LTBP1: variants seen among roughly 807,000 people sequenced by gnomAD.
The protein encoded by LTBP1 is latent-transforming growth factor beta-binding protein 1.
A neutral mutation model predicts 207.6 loss-of-function variants in LTBP1; 129 were observed. The observed-to-expected ratio is 0.62, with a 90% CI of 0.54 to 0.72. LTBP1 has a LOEUF of 0.72. Ranked by LOEUF, LTBP1 falls within the 30% of genes least tolerant of loss-of-function variation. LTBP1 has a pLI of 0.00. For synonymous variants in LTBP1, 963 were observed against 833.7 expected (o/e 1.16, Z -2.67); for missense variants, 2,281 against 2,217.2 (o/e 1.03, Z -0.58).
At chr2:32,970,359 G>C (rs1195096143) in intron 2 of LTBP1, among the ~76,000 whole-genome samples, 1 of 151,472 alleles carries the variant, frequency 6.6e-6, no homozygotes. Flanking sequence ...TTATCTTTCA[G>C]GGTTATCTTC....
At chr2:32,984,985 C>G (rs1016856789) in intron 2 of LTBP1, among the ~76,000 whole-genome samples, 2 of 151,868 alleles carry the variant, frequency 1.3e-5, no homozygotes, top group Non-Finnish European at 2.9e-5. Context: ...CATTTTTTCT[C>G]TAGGGCTTGA....
At chr2:33,323,267 A>C (rs541602647) in intron 24 of LTBP1, among the ~76,000 whole-genome samples, 270 of 152,330 alleles carry the variant, frequency 1.8e-3, no homozygotes, top group South Asian at 3.5e-3. Context: ...TATTGTACTG[A>C]AAGTGAACAG....
chr2:32,965,218 A>T (rs745454572), intron 2 of LTBP1, among the ~76,000 whole-genome samples: 1 of 152,150 alleles, frequency 6.6e-6, no homozygotes, highest in Non-Finnish European at 1.5e-5. Flanking sequence ...TTAGGTTCAG[A>T]GCAAAATTGA....
intron 22 of LTBP1, among the ~76,000 whole-genome samples, chr2:33,305,356 T>C (rs866353072): frequency 5.3e-5 from 8 of 151,858 alleles, no homozygotes; most frequent in Middle Eastern, 3.4e-3. Flanking sequence ...AAGTAAAATA[T>C]ATAGTTCGTT....
At chr2:33,380,564 C>T (rs983916310) in intron 31 of LTBP1, among the ~76,000 whole-genome samples, 7 of 151,746 alleles carry the variant, frequency 4.6e-5, no homozygotes, top group African/African-American at 1.5e-4. Context: ...AGTGAAACTC[C>T]GTCTTTAAAA....
At chr2:33,166,067 GTT>G (rs143905437) in intron 5 of LTBP1, among the ~76,000 whole-genome samples, 2,697 of 140,862 alleles carry the variant, frequency 0.019, 37 homozygotes, top group Middle Eastern at 0.085. Context: ...AGTAATGTAT[GTT>G]TTTTTTTTTT....
intron 18 of LTBP1, among the ~76,000 whole-genome samples, chr2:33,277,760 CCTTT>C (rs370778507): frequency 0.045 from 4,256 of 95,452 alleles, 213 homozygotes; most frequent in East Asian, 0.067. Flanking sequence ...TTTTTTTTTC[CCTTT>C]CTTTCTTTCT....
intron 3 of LTBP1, among the ~76,000 whole-genome samples, chr2:33,063,474 A>G (rs1476261055): frequency 2.0e-5 from 3 of 152,214 alleles, no homozygotes; most frequent in Non-Finnish European, 4.4e-5. Context: ...AAAACAATGC[A>G]AAGCTTAATA....
intron 25 of LTBP1, among the ~76,000 whole-genome samples, chr2:33,345,965 A>T (rs2094696041): frequency 6.6e-6 from 1 of 152,242 alleles, no homozygotes; most frequent in South Asian, 2.1e-4. Flanking sequence ...GGACAACATC[A>T]AACATAAAAT....
At chr2:33,062,691 T>A (rs1210270677) in intron 3 of LTBP1, among the ~76,000 whole-genome samples, 2 of 152,196 alleles carry the variant, frequency 1.3e-5, no homozygotes, top group Non-Finnish European at 2.9e-5. Flanking sequence ...AATCGCCTCT[T>A]TATCCATGAG....
chr2:33,180,676 G>A (rs574212721), intron 5 of LTBP1, among the ~76,000 whole-genome samples: 1 of 152,118 alleles, frequency 6.6e-6, no homozygotes, highest in African/African-American at 2.4e-5. Flanking sequence ...GGCTGGTCTT[G>A]AACTCCTGGC....
At chr2:33,073,501 G>A (rs916840203) in intron 3 of LTBP1, among the ~76,000 whole-genome samples, 4 of 152,084 alleles carry the variant, frequency 2.6e-5, no homozygotes, top group Admixed American at 6.6e-5. Context: ...GCTTTTTGAA[G>A]AAACCTATCA....
intron 26 of LTBP1, among the ~76,000 whole-genome samples, chr2:33,355,730 T>C (rs2149934126): frequency 1.3e-5 from 2 of 152,118 alleles, no homozygotes; most frequent in East Asian, 3.9e-4. Context: ...CCAGGCTCAT[T>C]TTCTCCAATC....
intron 3 of LTBP1, chr2:33,056,409 T>A (rs540883625): frequency 8.9e-7 from 1 of 1,121,746 alleles, no homozygotes; most frequent in Non-Finnish European, 1.2e-6. Context: ...AATGCCGCCC[T>A]GGGCGATGGT....
chr2:33,180,840 T>C (rs2086549953), intron 5 of LTBP1, among the ~76,000 whole-genome samples: 1 of 152,070 alleles, frequency 6.6e-6, no homozygotes, highest in Non-Finnish European at 1.5e-5. Flanking sequence ...TAAAGCAGAA[T>C]GGGGGGAGAA....
intron 7 of LTBP1, among the ~76,000 whole-genome samples, chr2:33,213,899 C>G (rs2090496617): frequency 6.6e-6 from 1 of 152,188 alleles, no homozygotes; most frequent in Admixed American, 6.5e-5. Flanking sequence ...CCTGCAAAAA[C>G]AAAGCCATGG....
chr2:33,233,667 G>A (rs193039599), intron 9 of LTBP1, among the ~76,000 whole-genome samples: 99 of 152,176 alleles, frequency 6.5e-4, no homozygotes, highest in Non-Finnish European at 1.1e-3. Flanking sequence ...GTTTGGGGCC[G>A]TTGGTCTAGA....
At chr2:33,127,429 A>C (rs1333963352) in intron 4 of LTBP1, among the ~76,000 whole-genome samples, 2 of 152,074 alleles carry the variant, frequency 1.3e-5, no homozygotes, top group Admixed American at 6.5e-5. Context: ...TCTGCCTTTC[A>C]CATTGTCTGC....
chr2:33,394,676 G>A (rs564949195), intron 32 of LTBP1, among the ~76,000 whole-genome samples: 1 of 152,218 alleles, frequency 6.6e-6, no homozygotes, highest in South Asian at 2.1e-4. Context: ...CTGTGTTTTG[G>A]TACGAGCATC....
Sources: allele counts gnomAD v4.1 joint callset (sites outside exome capture counted in the v4.1 genomes callset), GRCh38; gene constraint gnomAD v4.1.1; transcripts MANE v1.5; gene names NCBI Gene and HGNC (gene_info 2026-07-23, HGNC 2026-07-21).